The following ZNF536 variants were observed in gnomAD, a reference collection of about 807,000 sequenced individuals.
ZNF536 encodes the protein zinc finger protein 536.
A neutral mutation model predicts 84.5 loss-of-function variants in ZNF536; 13 were observed. That is an observed-to-expected ratio of 0.15 (90% CI 0.10 to 0.24). The LOEUF is 0.24. ZNF536 is among the 10% of genes least tolerant of loss of function. The probability of loss-of-function intolerance (pLI) is 1.00; values close to 1 mark genes in which losing one functional copy is unlikely to be tolerated. For synonymous variants in ZNF536, 811 were observed against 742.5 expected, an observed-to-expected ratio of 1.09 and a Z score of -1.50; for missense variants, 1,536 against 1,747.5, an observed-to-expected ratio of 0.88 and a Z score of 2.16.
intron 1 of ZNF536, among the ~76,000 whole-genome samples, chr19:30,248,224 C>CTTTTTTTT (rs58799737): frequency 4.6e-5 from 6 of 131,004 alleles, no homozygotes; most frequent in East Asian, 4.7e-4. Flanking sequence ...TCTTTTCTTT[C>CTTTTTTTT]TTTTTTTTTT....
intron 2 of ZNF536, among the ~76,000 whole-genome samples, chr19:30,472,113 G>C (rs1458568946): frequency 2.0e-5 from 3 of 152,234 alleles, no homozygotes; most frequent in Admixed American, 2.0e-4. Flanking sequence ...CACGATAGCA[G>C]GGAGAAGAGT....
intron 2 of ZNF536, among the ~76,000 whole-genome samples, chr19:30,340,597 C>T (rs563226629): frequency 5.1e-4 from 77 of 152,130 alleles, no homozygotes; most frequent in Non-Finnish European, 8.1e-4. Context: ...TTCGCATCCC[C>T]GTGGATCAGG....
chr19:30,502,414 G>A (rs1419723878), intron 2 of ZNF536, among the ~76,000 whole-genome samples: 1 of 152,074 alleles, frequency 6.6e-6, no homozygotes, highest in Non-Finnish European at 1.5e-5. Flanking sequence ...GTGGGATTGA[G>A]GTGACCAGGG....
chr19:30,633,349 G>A (rs571483793), intron 1 of ZNF536, among the ~76,000 whole-genome samples: 93 of 152,248 alleles, frequency 6.1e-4, no homozygotes, highest in Non-Finnish European at 9.1e-4. Context: ...TTTTAAATAC[G>A]ACGTGGGAAG....
chr19:30,549,768 G>T (rs1027982337), intron 4 of ZNF536, among the ~76,000 whole-genome samples: 1 of 152,158 alleles, frequency 6.6e-6, no homozygotes, highest in African/African-American at 2.4e-5. Flanking sequence ...TGGAAAAGGG[G>T]GTGGTCGCTC....
At chr19:30,329,073 G>C (rs572643843) in intron 2 of ZNF536, among the ~76,000 whole-genome samples, 24 of 152,250 alleles carry the variant, frequency 1.6e-4, no homozygotes, top group African/African-American at 5.5e-4. Flanking sequence ...TGCAAATGTC[G>C]GTGTGTCAAG....
intron 2 of ZNF536, among the ~76,000 whole-genome samples, chr19:30,448,515 A>G (rs2052455459): frequency 6.6e-6 from 1 of 152,244 alleles, no homozygotes; most frequent in African/African-American, 2.4e-5. Context: ...ATTAAGAAAT[A>G]ACTGCAAAAC....
intron 1 of ZNF536, among the ~76,000 whole-genome samples, chr19:30,257,869 A>G (rs1026220497): frequency 3.9e-5 from 6 of 152,336 alleles, no homozygotes; most frequent in Non-Finnish European, 8.8e-5. Context: ...CAAACTCTGA[A>G]GCCCAGAACA....
intron 1 of ZNF536, among the ~76,000 whole-genome samples, chr19:30,432,590 C>T (rs571359868): frequency 5.1e-4 from 78 of 152,198 alleles, no homozygotes; most frequent in African/African-American, 1.8e-3. Context: ...CAAGGGGAGA[C>T]GAATGCCTTT....
intron 1 of ZNF536, among the ~76,000 whole-genome samples, chr19:30,579,723 G>A (rs2046855131): frequency 6.6e-6 from 1 of 152,142 alleles, no homozygotes. Flanking sequence ...ACATCCCCAA[G>A]GGGCACATTG....
intron 1 of ZNF536, among the ~76,000 whole-genome samples, chr19:30,259,166 G>A (rs752338747): frequency 5.9e-5 from 9 of 152,128 alleles, no homozygotes; most frequent in African/African-American, 1.9e-4. Flanking sequence ...AGAAGGTAGC[G>A]ATTTTGCACA....
chr19:30,335,911 G>C (rs548811505), intron 2 of ZNF536, among the ~76,000 whole-genome samples: 21 of 152,220 alleles, frequency 1.4e-4, no homozygotes, highest in Admixed American at 1.3e-3. Flanking sequence ...CCCTGGCTCA[G>C]ATGACCATCC....
chr19:30,367,762 T>G (rs897285878), upstream of ZNF536, among the ~76,000 whole-genome samples: 16 of 152,270 alleles, frequency 1.1e-4, no homozygotes, highest in Admixed American at 4.6e-4. Flanking sequence ...TCTCTGATCT[T>G]GGCTCCTGGC....
chr19:30,378,108 T>C (rs2048886076), intron 1 of ZNF536, among the ~76,000 whole-genome samples: 2 of 152,188 alleles, frequency 1.3e-5, no homozygotes, highest in South Asian at 4.1e-4. Context: ...GACTTGGCAA[T>C]GAGTGGAGGC....
At chr19:30,449,522 A>C (rs2052500546) in intron 2 of ZNF536, among the ~76,000 whole-genome samples, 1 of 152,200 alleles carries the variant, frequency 6.6e-6, no homozygotes, top group Non-Finnish European at 1.5e-5. Context: ...GTACTAAGAA[A>C]TGATACTGTT....
chr19:30,502,505 G>A (rs547771097), intron 2 of ZNF536, among the ~76,000 whole-genome samples: 2 of 152,220 alleles, frequency 1.3e-5, no homozygotes, highest in East Asian at 3.9e-4. Flanking sequence ...GGAGAGAGAG[G>A]GCAGCTGTGG....
chr19:30,329,770 T>A (rs546446544), intron 2 of ZNF536, among the ~76,000 whole-genome samples: 1 of 152,148 alleles, frequency 6.6e-6, no homozygotes, highest in Admixed American at 6.5e-5. Flanking sequence ...ATTTTTAAAA[T>A]GGAGATTTAT....
intron 1 of ZNF536, among the ~76,000 whole-genome samples, chr19:30,275,840 AGT>A (rs35955842): frequency 0.3 from 44,886 of 150,062 alleles, 6,728 homozygotes; most frequent in Middle Eastern, 0.34. Context: ...TGTGTGTGTG[AGT>A]GTGTGTGTGT....
chr19:30,674,598 GC>G (rs2050685983), intron 1 of ZNF536, among the ~76,000 whole-genome samples: 1 of 152,196 alleles, frequency 6.6e-6, no homozygotes. Context: ...GACCTGAAGA[GC>G]ACTCCTCAGA....
Sources: allele counts gnomAD v4.1 joint callset (sites outside exome capture counted in the v4.1 genomes callset), GRCh38; gene constraint gnomAD v4.1.1; transcripts MANE v1.5; gene names NCBI Gene and HGNC (gene_info 2026-07-23, HGNC 2026-07-21).